The following LYPLA1 variants were observed in gnomAD, a reference collection of about 807,000 sequenced individuals.
The protein encoded by LYPLA1 is lysophospholipase 1.
Under a neutral mutation model 34.0 loss-of-function variants are expected in LYPLA1, and 17 were observed. The observed-to-expected ratio is 0.50, with a 90% confidence interval of 0.34 to 0.75. The LOEUF is 0.75. LYPLA1 is among the 30% of genes least tolerant of loss of function. LYPLA1 has a pLI of 0.01. For missense variants in LYPLA1, 203 were observed against 288.8 expected, an observed-to-expected ratio of 0.70 and a Z score of 2.15; for synonymous variants, 98 against 100.8, an observed-to-expected ratio of 0.97 and a Z score of 0.17.
rs775713811 is a variant in LYPLA1 at position 54,100,898 on chromosome 8, T to C, written c.101+10A>G. 6.2e-6 allele frequency: 10 copies of C among 1,605,808 alleles called. No homozygotes were observed. The South Asian group carries it at 7.7e-5, about 12-fold the overall frequency. On this transcript the variant is annotated intron_variant, in intron 2 of 8. Transcript: ENST00000316963. Reference sequence around the variant, plus strand: ...TCATTACTGTTACTATTAATAATAATGGTACCTACCCAGTATCTCCCAATC... The same window carrying C: ...TCATTACTGTTACTATTAATAATAACGGTACCTACCCAGTATCTCCCAATC...
rs532010339 is a variant in LYPLA1 at position 54,046,837 on chromosome 8, C to T, written c.*1228G>A. Reference sequence around the variant, plus strand: ...AAGTTTGTTTTCAAATAATTTTTACCAGTAATCTGGAAATTTTGACAATTT... The same window carrying T: ...AAGTTTGTTTTCAAATAATTTTTACTAGTAATCTGGAAATTTTGACAATTT... On this transcript the variant is annotated 3_prime_UTR_variant, in exon 9 of 9. Transcript: ENST00000316963. 1 of 152,080 alleles carries T rather than the reference C, an allele frequency of 6.6e-6. No homozygotes were observed. Among genetic ancestry groups the T allele is most frequent in the African/African-American group, 2.4e-5 (1 of 41,504 alleles). The allele number at this position is 152,080 out of a possible 1,614,324, so 9.4% of individuals were successfully genotyped here. A position where few individuals can be genotyped will look rare whatever the true frequency, so the allele number is the denominator to read the frequency against.
At chr8:54,061,244 C>A (rs1255820116) in intron 5 of LYPLA1, among the ~76,000 whole-genome samples, 1 of 151,412 alleles carries the variant, frequency 6.6e-6, no homozygotes, top group Non-Finnish European at 1.5e-5. Context: ...CCACGCCCAG[C>A]TAATTTTTTA....
At chr8:54,096,067 GTT>G (rs1563674276) in intron 2 of LYPLA1, among the ~76,000 whole-genome samples, 1 of 152,154 alleles carries the variant, frequency 6.6e-6, no homozygotes, top group Non-Finnish European at 1.5e-5. Flanking sequence ...CTTAATGATG[GTT>G]ATACTGGAGT....
At chr8:54,074,939 T>C (rs1343573169) in intron 2 of LYPLA1, among the ~76,000 whole-genome samples, 1 of 152,244 alleles carries the variant, frequency 6.6e-6, no homozygotes, top group Non-Finnish European at 1.5e-5. Context: ...CCAACTTCTA[T>C]TAAAACAATT....
intron 2 of LYPLA1, chr8:54,073,430 C>A: frequency 1.3e-6 from 1 of 774,752 alleles, no homozygotes; most frequent in East Asian, 2.4e-5. Flanking sequence ...CGCTGCTTTC[C>A]TCAGCCATTT....
chr8:54,078,000 G>C (rs1201487652), intron 2 of LYPLA1, among the ~76,000 whole-genome samples: 1 of 152,078 alleles, frequency 6.6e-6, no homozygotes, highest in African/African-American at 2.4e-5. Flanking sequence ...ACCCAGGCTG[G>C]AGTGCAGTGA....
intron 2 of LYPLA1, among the ~76,000 whole-genome samples, chr8:54,086,555 CAAAA>C (rs1220626412): frequency 6.2e-5 from 4 of 64,556 alleles, no homozygotes; most frequent in Non-Finnish European, 6.1e-5. Flanking sequence ...CAAAGGGTAC[CAAAA>C]AAAAAAAAAA....
At chr8:54,094,203 T>C (rs1249747192) in intron 2 of LYPLA1, among the ~76,000 whole-genome samples, 1 of 152,196 alleles carries the variant, frequency 6.6e-6, no homozygotes, top group Non-Finnish European at 1.5e-5. Context: ...GTAATACAGA[T>C]AAGTAATTCC....
At chr8:54,099,004 C>T (rs998409103) in intron 2 of LYPLA1, among the ~76,000 whole-genome samples, 4 of 152,186 alleles carry the variant, frequency 2.6e-5, no homozygotes, top group Middle Eastern at 3.4e-3. Context: ...AAGAAGGATA[C>T]TTTTTTAATA....
chr8:54,052,446 G>C (rs1805908075), intron 7 of LYPLA1, among the ~76,000 whole-genome samples: 1 of 152,132 alleles, frequency 6.6e-6, no homozygotes, highest in East Asian at 1.9e-4. Flanking sequence ...TGTGGAGGTG[G>C]GGATGCTGAT....
rs1269867955 is a variant in LYPLA1 at position 54,089,506 on chromosome 8, A to G, written c.101+11402T>C. 4.0e-3 allele frequency among the ~76,000 whole-genome samples: 475 copies of G among 117,448 alleles called. 5 individuals are homozygous for G. The highest frequency in any genetic ancestry group is 9.3e-3 in the East Asian group (21 of 2,262). The allele number at this position is 117,448 out of a possible 152,430, so 77.1% of individuals were successfully genotyped here. ...TCAGACATCCCTGGGGGGGGGCGGG[A>G]TCTTTGAACATATGTGACAATACTA... On this transcript the variant is annotated intron_variant, in intron 2 of 8. Transcript: ENST00000316963.
At chr8:54,101,428 A>C in intron 1 of LYPLA1, 23 of 1,078,530 alleles carry the variant, frequency 2.1e-5, no homozygotes, top group Non-Finnish European at 2.4e-5. Context: ...TTCCTGGCGG[A>C]CTTAGGTTTC....
chr8:54,073,650 C>A, intron 2 of LYPLA1: 2 of 434,458 alleles, frequency 4.6e-6, no homozygotes, highest in Non-Finnish European at 8.4e-6. Flanking sequence ...GCTACAATGT[C>A]CTAACAGAAA....
intron 6 of LYPLA1, among the ~76,000 whole-genome samples, chr8:54,053,979 CATT>C (rs1414148605): frequency 2.6e-5 from 4 of 151,988 alleles, no homozygotes; most frequent in African/African-American, 4.8e-5. Flanking sequence ...TATTCTGGAT[CATT>C]ATTATTATTA....
Position 54,061,651 on chromosome 8 carries a change from C to T in LYPLA1, c.286+603G>A, listed in dbSNP as rs371285084. On this transcript the variant is annotated intron_variant, in intron 5 of 8. Coordinates refer to ENST00000316963, the MANE Select transcript of LYPLA1 (RefSeq NM_006330.4). ...AAACCTGGCGGGGCATGGTGGTGTG[C>T]GCCTCCATGGTCCCAGCCTACTCAG... 1.6e-3 allele frequency among the ~76,000 whole-genome samples: 244 copies of T among 151,932 alleles called. 12 individuals carry two copies. In the South Asian group the frequency reaches 0.049, roughly 31 times the overall value.
chr8:54,061,864 T>C (rs1378758875), intron 5 of LYPLA1, among the ~76,000 whole-genome samples: 1 of 152,196 alleles, frequency 6.6e-6, no homozygotes, highest in Non-Finnish European at 1.5e-5. Context: ...TTTTTGTTTT[T>C]GTTTTTCTGA....
intron 2 of LYPLA1, among the ~76,000 whole-genome samples, chr8:54,066,037 C>T (rs553959877): frequency 2.6e-5 from 4 of 152,178 alleles, no homozygotes; most frequent in East Asian, 3.9e-4. Flanking sequence ...CCCGAGTTCA[C>T]GCCATTCTCC....
intron 2 of LYPLA1, among the ~76,000 whole-genome samples, chr8:54,082,987 A>G (rs1267289694): frequency 2.0e-5 from 3 of 152,154 alleles, no homozygotes; most frequent in Non-Finnish European, 4.4e-5. Flanking sequence ...CGGCTTCCCA[A>G]AGTGCTGGGA....
chr8:54,085,537 G>A (rs565103875), intron 2 of LYPLA1, among the ~76,000 whole-genome samples: 20 of 151,526 alleles, frequency 1.3e-4, no homozygotes, highest in East Asian at 3.9e-4. Context: ...AGTGAGGAGC[G>A]TCTCTGCCCG....
Sources: gnomAD v4.1 joint callset for allele counts (sites outside exome capture counted in the v4.1 genomes callset) on GRCh38, gnomAD v4.1.1 for gene constraint, MANE v1.5 for transcripts, NCBI Gene and HGNC (gene_info 2026-07-23, HGNC 2026-07-21) for gene names.